The following CADPS2 variants were observed in gnomAD, a reference collection of about 807,000 sequenced individuals.
The protein encoded by CADPS2 is calcium-dependent secretion activator 2.
CADPS2 carries 93 observed loss-of-function variants against 172.5 expected under a neutral mutation model. The observed-to-expected ratio is 0.54, with a 90% CI of 0.46 to 0.64. The LOEUF is 0.64. CADPS2 is among the 30% of genes least tolerant of loss of function. The pLI, the probability that CADPS2 is intolerant of heterozygous loss-of-function variation, is 0.00. For synonymous variants in CADPS2, 546 were observed against 555.2 expected (o/e 0.98, Z 0.23); for missense variants, 1,420 against 1,565.9 (o/e 0.91, Z 1.57).
Position 122,376,905 on chromosome 7 carries a change from A to T in CADPS2, c.3387+2463T>A, listed in dbSNP as rs555913335. On this transcript the variant is annotated intron_variant, in intron 25 of 29. Coordinates refer to ENST00000449022, the MANE Select transcript of CADPS2 (RefSeq NM_017954.11). ...GTTAATATCTCAATAAAATGGTTTT[A>T]AAAATATCATAATTATGGAGATTAA... 6.6e-5 allele frequency among the ~76,000 whole-genome samples: 10 copies of T among 152,256 alleles called. No individual in the cohort carries two copies. The Middle Eastern group carries it at 0.01, about 155-fold the overall frequency.
chr7:122,394,818 A>G (rs2044848831), intron 20 of CADPS2, among the ~76,000 whole-genome samples: 3 of 152,136 alleles, frequency 2.0e-5, no homozygotes, highest in Admixed American at 6.6e-5. Flanking sequence ...GTGACATGAT[A>G]TGATCTCTCT....
chr7:122,551,807 C>A (rs1407343818), intron 8 of CADPS2, among the ~76,000 whole-genome samples: 1 of 151,950 alleles, frequency 6.6e-6, no homozygotes, highest in Admixed American at 6.6e-5. Context: ...CGATCCAGGC[C>A]CAAAGCGAAA....
chr7:122,484,759 C>T (rs1385600223), intron 11 of CADPS2, among the ~76,000 whole-genome samples: 4 of 151,386 alleles, frequency 2.6e-5, no homozygotes, highest in Non-Finnish European at 5.9e-5. Context: ...ATCTGACAAA[C>T]ATCTTGTATC....
At chr7:122,322,153 A>G (rs1035867084) in intron 29 of CADPS2, among the ~76,000 whole-genome samples, 3 of 152,224 alleles carry the variant, frequency 2.0e-5, no homozygotes, top group African/African-American at 7.2e-5. Context: ...TGTCAAACAT[A>G]AAGTATTCAC....
chr7:122,457,283 C>G (rs2053898537), intron 14 of CADPS2, among the ~76,000 whole-genome samples: 1 of 152,174 alleles, frequency 6.6e-6, no homozygotes, highest in African/African-American at 2.4e-5. Flanking sequence ...CTGTGCAAAC[C>G]TAGTGCTTTA....
chr7:122,504,181 T>C (rs1195356990), intron 9 of CADPS2, among the ~76,000 whole-genome samples: 2 of 152,202 alleles, frequency 1.3e-5, no homozygotes, highest in African/African-American at 2.4e-5. Flanking sequence ...ATTTAATTTT[T>C]CTGTAATATA....
chr7:122,848,986 A>G (rs1812777179), intron 1 of CADPS2, among the ~76,000 whole-genome samples: 1 of 152,238 alleles, frequency 6.6e-6, no homozygotes, highest in Non-Finnish European at 1.5e-5. Context: ...GCATGAAACC[A>G]GCTTTCCAAA....
intron 9 of CADPS2, among the ~76,000 whole-genome samples, chr7:122,512,112 G>A (rs2060047737): frequency 6.6e-6 from 1 of 152,054 alleles, no homozygotes; most frequent in African/African-American, 2.4e-5. Flanking sequence ...AAAATAGGCT[G>A]GTTGTTTGCC....
chr7:122,660,444 A>G (rs1407790611), intron 3 of CADPS2, among the ~76,000 whole-genome samples: 3 of 152,300 alleles, frequency 2.0e-5, no homozygotes, highest in Non-Finnish European at 2.9e-5. Flanking sequence ...TGTTCAATCA[A>G]AATTACAGAA....
intron 2 of CADPS2, chr7:122,698,563 G>A: frequency 3.7e-6 from 6 of 1,614,030 alleles, no homozygotes; most frequent in Non-Finnish European, 5.1e-6. Context: ...CTTCTCAGTT[G>A]CCACTTTAAT....
At chr7:122,826,200 C>A (rs1180120906) in intron 1 of CADPS2, among the ~76,000 whole-genome samples, 1 of 152,142 alleles carries the variant, frequency 6.6e-6, no homozygotes, top group Admixed American at 6.5e-5. Flanking sequence ...CCACCCCAAC[C>A]CAGGAGTGAT....
At chr7:122,581,036 T>C in intron 7 of CADPS2, 143 bp downstream of exon 7, 2 of 609,646 alleles carry the variant, frequency 3.3e-6, no homozygotes, top group Non-Finnish European at 5.9e-6. Context: ...TAGAGGTGTA[T>C]ACTGGGCTTG....
At chr7:122,785,220 C>T (rs1004462177) in intron 1 of CADPS2, among the ~76,000 whole-genome samples, 18 of 152,292 alleles carry the variant, frequency 1.2e-4, no homozygotes, top group African/African-American at 4.3e-4. Context: ...TTCACGTCTC[C>T]TCCAACATTG....
intron 20 of CADPS2, among the ~76,000 whole-genome samples, chr7:122,401,209 G>C (rs1243174060): frequency 6.6e-6 from 1 of 151,882 alleles, no homozygotes; most frequent in Non-Finnish European, 1.5e-5. Flanking sequence ...TTAGTGTAGA[G>C]CAGGAACATT....
chr7:122,321,152 T>C (rs1256443047), intron 29 of CADPS2, among the ~76,000 whole-genome samples: 1 of 152,178 alleles, frequency 6.6e-6, no homozygotes, highest in African/African-American at 2.4e-5. Flanking sequence ...TATGTTTACA[T>C]TGATTGATTG....
At chr7:122,568,067 A>T (rs1240198596) in intron 7 of CADPS2, among the ~76,000 whole-genome samples, 1 of 152,098 alleles carries the variant, frequency 6.6e-6, no homozygotes. Flanking sequence ...CAAATAGATT[A>T]AAAAATGGGA....
At chr7:122,607,583 T>G (rs2073747983) in intron 6 of CADPS2, among the ~76,000 whole-genome samples, 1 of 152,318 alleles carries the variant, frequency 6.6e-6, no homozygotes, top group East Asian at 1.9e-4. Flanking sequence ...AATTTTCTCA[T>G]GCTGTTTTTC....
chr7:122,393,054 A>C, intron 22 of CADPS2, 142 bp downstream of exon 22: 2 of 997,290 alleles, frequency 2.0e-6, no homozygotes, highest in Non-Finnish European at 2.8e-6. Context: ...TTACTAGCTT[A>C]AAAACTCAAA....
At chr7:122,661,174 G>A in intron 3 of CADPS2, among the ~76,000 whole-genome samples, 1 of 152,136 alleles carries the variant, frequency 6.6e-6, no homozygotes, top group South Asian at 2.1e-4. Flanking sequence ...ACAAATATAT[G>A]TACCTAATAG....
Sources: gnomAD v4.1 joint callset for allele counts (sites outside exome capture counted in the v4.1 genomes callset) on GRCh38, gnomAD v4.1.1 for gene constraint, MANE v1.5 for transcripts, NCBI Gene and HGNC (gene_info 2026-07-23, HGNC 2026-07-21) for gene names.